Variants in C6orf132 observed in about 807,000 individuals in gnomAD.
The protein encoded by C6orf132 is uncharacterized protein C6orf132.
Under a neutral mutation model 65.3 loss-of-function variants are expected in C6orf132, and 43 were observed. The ratio of observed to expected loss-of-function variants is 0.66; its 90% CI spans 0.52 to 0.85. The LOEUF (loss-of-function observed/expected upper bound fraction) is 0.85. Ranked by LOEUF, C6orf132 falls within the 40% of genes least tolerant of loss-of-function variation. The pLI is 0.00. For missense variants in C6orf132, 1,488 were observed against 1,548.8 expected (o/e 0.96, Z 0.66); for synonymous variants, 631 against 654.1 (o/e 0.96, Z 0.54).
chr6:42,106,208 A>C lies in C6orf132; in HGVS notation c.1704T>G (p.Asn568Lys), dbSNP rs1279234641. 3.9e-6 allele frequency: 6 copies of C among 1,537,186 alleles called. No homozygotes were observed. Among genetic ancestry groups the C allele is most frequent in the Non-Finnish European group, 5.2e-6 (6 of 1,146,880 alleles). ...SPTPSVRQIR[N>K]ELEARLSSAA... ...CTGAGGAGAGCCGGGCCTCCAGCTC[A>C]TTCCGGATCTGCCGCACACTGGGAG... Residue 568 changes from asparagine (N) to lysine (K), a missense_variant, in exon 4 of 5, where the codon AAT becomes AAG. Transcript: ENST00000341865.
chr6:42,128,178 G>A (rs1426912839), intron 2 of C6orf132, among the ~76,000 whole-genome samples: 8 of 151,790 alleles, frequency 5.3e-5, no homozygotes, highest in Non-Finnish European at 1.0e-4. Flanking sequence ...TGCCCCCTTG[G>A]CCTCCCAAAA....
In C6orf132 at chr6:42,110,305, G is replaced by A. The variant is rs1322644444; in HGVS notation, c.253-14C>T. The A allele has an allele frequency of 6.5e-7, 1 of 1,541,326 alleles. No homozygotes were observed. ...TTCCTGGGCATTCTGAAAGAGACCA[G>A]AAAGAAATCAGGGGACAGGGAAAGA... On this transcript the variant is annotated splice_polypyrimidine_tract_variant and intron_variant, in intron 2 of 4. Transcript: ENST00000341865.
Position 42,106,613 on chromosome 6 carries a change from G to T in C6orf132, c.1299C>A (p.Thr433=), listed in dbSNP as rs1012710243. 1 of 1,535,042 alleles carries T rather than the reference G, an allele frequency of 6.5e-7. No homozygotes were observed. Among genetic ancestry groups the T allele is most frequent in the Non-Finnish European group, 8.7e-7 (1 of 1,146,634 alleles). Residue 433 remains threonine, a synonymous_variant, in exon 4 of 5, where the codon ACC becomes ACA. Coordinates refer to ENST00000341865, the MANE Select transcript of C6orf132 (RefSeq NM_001164446.3). ...AAHPPAGFTK[T]PKSSSPALKP... ...TGAGAGCAGGAGAGCTGGATTTAGG[G>T]GTTTTTGTAAACCCAGCAGGTGGAT...
chr6:42,124,843 C>T lies in C6orf132; in HGVS notation c.252+3829G>A, dbSNP rs1429852238. Among the ~76,000 whole-genome samples the T allele has an allele frequency of 6.6e-6, 1 of 152,182 alleles. No homozygotes were observed. Among genetic ancestry groups the T allele is most frequent in the African/African-American group, 2.4e-5 (1 of 41,448 alleles). ...GACAGGAGAGAATTAAGCCGCCAGC[C>T]GGATTCCCCTCCACCCGGGAGCAAG... On this transcript the variant is annotated intron_variant, in intron 2 of 4. Coordinates refer to ENST00000341865, the MANE Select transcript of C6orf132 (RefSeq NM_001164446.3). The surrounding 1 kb of genome is among the most constrained non-coding windows in gnomAD (Gnocchi z 4.0).
chr6:42,106,221 C>T lies in C6orf132; in HGVS notation c.1691G>A (p.Arg564Gln), dbSNP rs763906124. The change falls in exon 4 of 5, where the codon CGG becomes CAG. Residue 564 changes from arginine to glutamine, a missense_variant. Transcript: ENST00000341865. ...IPQDSPTPSVRQIRNELEARL... is the reference protein window; with the variant it reads ...IPQDSPTPSVQQIRNELEARL... ...GGCCTCCAGCTCATTCCGGATCTGCCGCACACTGGGAGTTGGAGAGTCTTG... is the reference window on the plus strand; with the variant it reads ...GGCCTCCAGCTCATTCCGGATCTGCTGCACACTGGGAGTTGGAGAGTCTTG... 5 of 1,537,082 alleles carry T rather than the reference C, an allele frequency of 3.3e-6. No homozygotes were observed. The highest frequency in any genetic ancestry group is 2.4e-5 in the South Asian group (2 of 84,058).
intron 1 of C6orf132, among the ~76,000 whole-genome samples, chr6:42,138,587 G>T (rs1234800656): frequency 2.0e-5 from 3 of 152,138 alleles, no homozygotes; most frequent in African/African-American, 7.2e-5. Context: ...GCCCAGCCCA[G>T]AATCTGCATT....
At chr6:42,114,243 G>A (rs1766533952) in intron 2 of C6orf132, among the ~76,000 whole-genome samples, 1 of 152,122 alleles carries the variant, frequency 6.6e-6, no homozygotes, top group Non-Finnish European at 1.5e-5. Flanking sequence ...CTGACACAAG[G>A]GGATCCCACA....
chr6:42,107,670 T>G (rs1582269935), intron 3 of C6orf132, 87 bp from the exon 4 acceptor site: 1 of 1,488,420 alleles, frequency 6.7e-7, no homozygotes, highest in Non-Finnish European at 9.1e-7. Context: ...GGGGCAGGGG[T>G]GGGCACCCAA....
intron 4 of C6orf132, 66 bp from the exon 5 acceptor site, chr6:42,103,944 C>A: frequency 9.1e-7 from 1 of 1,093,984 alleles, no homozygotes. Context: ...CTCTCATCTC[C>A]CCGAGGGACC....
chr6:42,104,620 C>T lies in C6orf132; in HGVS notation c.3292G>A (p.Gly1098Ser), dbSNP rs1451374225. ...SPNCFGPQPGGPEMRRVNSAG... is the reference protein window; with the variant it reads ...SPNCFGPQPGSPEMRRVNSAG... ...GAGTTCACGCGCCGCATCTCGGGGC[C>T]TCCGGGCTGCGGCCCGAAGCAGTTG... Residue 1098 changes from glycine (G) to serine (S), a missense_variant, in exon 4 of 5, where the codon GGC (glycine) becomes AGC (serine). By Grantham distance (56) the Gly-to-Ser change is moderately conservative. Coordinates refer to ENST00000341865, the MANE Select transcript of C6orf132 (RefSeq NM_001164446.3). The surrounding 1 kb of genome is among the most constrained non-coding windows in gnomAD (Gnocchi z 4.1). The T allele has an allele frequency of 1.8e-5, 25 of 1,379,902 alleles. No homozygotes were observed. Among genetic ancestry groups the T allele is most frequent in the Admixed American group, 7.0e-5 (2 of 28,370 alleles). 85.5% of individuals were successfully genotyped at this position (1,379,902 alleles called of 1,614,324 possible).
At chr6:42,133,328 G>A (rs1039677305) in intron 1 of C6orf132, among the ~76,000 whole-genome samples, 2 of 152,248 alleles carry the variant, frequency 1.3e-5, no homozygotes, top group South Asian at 2.1e-4. Context: ...GCACAGCCCC[G>A]TGTCTCATCC....
chr6:42,112,143 A>G (rs1342672715), intron 2 of C6orf132, among the ~76,000 whole-genome samples: 1 of 152,178 alleles, frequency 6.6e-6, no homozygotes, highest in East Asian at 1.9e-4. Flanking sequence ...TACTCCTTGC[A>G]CTGTGCTCTA....
At position 42,104,893 on chromosome 6, in the gene C6orf132, C is replaced by G. The variant is rs760002910; in HGVS notation, c.3019G>C (p.Gly1007Arg). 1 of 1,451,052 alleles carries G rather than the reference C, an allele frequency of 6.9e-7. No homozygotes were observed. Among genetic ancestry groups the G allele is most frequent in the South Asian group, 1.4e-5 (1 of 70,576 alleles). The allele number at this position is 1,451,052 out of a possible 1,614,324, so 89.9% of individuals were successfully genotyped here. The change falls in exon 4 of 5, where the codon GGC (glycine) becomes CGC (arginine). Residue 1007 changes from glycine to arginine, a missense_variant. Gly to Arg is a moderately radical substitution (Grantham distance 125). Coordinates refer to ENST00000341865, the MANE Select transcript of C6orf132 (RefSeq NM_001164446.3). This position sits in a 1 kb window ranked among gnomAD's most constrained non-coding sequence, Gnocchi z 4.1. Reference sequence around the variant, plus strand: ...TTCCGGGGAGGGGAGCTCTGGCGGCCCAGATACTGGAGGGCCGGGGCCGGG... The same window carrying G: ...TTCCGGGGAGGGGAGCTCTGGCGGCGCAGATACTGGAGGGCCGGGGCCGGG... ...EPPAPALQYL[G>R]RQSSPPRNNY...
Position 42,106,717 on chromosome 6 carries a change from GAGGGGGCAGGGGA to G in C6orf132, c.1182_1194del (p.Pro395LeufsTer118). The G allele has an allele frequency of 7.5e-7, 1 of 1,337,276 alleles. No homozygotes were observed. Among genetic ancestry groups the G allele is most frequent in the Non-Finnish European group, 1.0e-6 (1 of 981,770 alleles). 82.8% of individuals were successfully genotyped at this position (1,337,276 alleles called of 1,614,324 possible). A position where few individuals can be genotyped will look rare whatever the true frequency, so the allele number is the denominator to read the frequency against. ...GCTGGGGGAGGGAGGGGGGGTGCAG[GAGGGGGCAGGGGA>G]GGGGCTGGAGGCGGAGTCCCAGCTC... On this transcript the variant is annotated frameshift_variant, in exon 4 of 5. Transcript: ENST00000341865. LOFTEE classifies it high-confidence loss of function.
chr6:42,137,092 G>A lies in C6orf132; in HGVS notation c.145+5208C>T, dbSNP rs368562803. Among the ~76,000 whole-genome samples, 14 of 152,296 alleles carry A rather than the reference G, an allele frequency of 9.2e-5. No individual in the cohort carries two copies. In the East Asian group the frequency reaches 1.7e-3, roughly 19 times the overall value. ...TGCACTTTGATGTTTGAGCTACCCC[G>A]GACTGGAATGGCTGAGTCATTTCAC... On this transcript the variant is annotated intron_variant, in intron 1 of 4. Coordinates refer to ENST00000341865, the MANE Select transcript of C6orf132 (RefSeq NM_001164446.3).
chr6:42,107,293 A>G lies in C6orf132; in HGVS notation c.619T>C (p.Ser207Pro). ...ATGAAGTCAGGAGGGGTGGGTATGG[A>G]TGGGGAGGAAAGAGTGTGTGGTGGG... The part of the protein sequence containing the change: ...LSPPHTLSSP[S>P]IPTPPDFIPP... The change falls in exon 4 of 5, where the codon TCC becomes CCC. Residue 207 changes from serine to proline, a missense_variant. By Grantham distance (74) the Ser-to-Pro change is moderately conservative. Transcript: ENST00000341865. The G allele has an allele frequency of 1.0e-6, 1 of 983,522 alleles. No individual in the cohort carries two copies. The highest frequency in any genetic ancestry group is 1.3e-6 in the Non-Finnish European group (1 of 779,928). 60.9% of individuals were successfully genotyped at this position (983,522 alleles called of 1,614,324 possible). A position where few individuals can be genotyped will look rare whatever the true frequency, so the allele number is the denominator to read the frequency against.
At chr6:42,122,608 C>T (rs1766705171) in intron 2 of C6orf132, among the ~76,000 whole-genome samples, 1 of 152,206 alleles carries the variant, frequency 6.6e-6, no homozygotes, top group Admixed American at 6.5e-5. Context: ...TTTGGCCTAA[C>T]ATCATCCACA....
chr6:42,140,286 C>G (rs1443461256), intron 1 of C6orf132, among the ~76,000 whole-genome samples: 1 of 152,256 alleles, frequency 6.6e-6, no homozygotes, highest in Non-Finnish European at 1.5e-5. Context: ...CTTCCCTCAC[C>G]AGAGGTGCTG....
chr6:42,114,119 T>A (rs1479616286), intron 2 of C6orf132, among the ~76,000 whole-genome samples: 2 of 152,164 alleles, frequency 1.3e-5, no homozygotes, highest in African/African-American at 4.8e-5. Flanking sequence ...TGCCCTTTGA[T>A]CTTAAAGCAC....
Sources: allele counts gnomAD v4.1 joint callset (sites outside exome capture counted in the v4.1 genomes callset), GRCh38; gene constraint gnomAD v4.1.1; non-coding constraint Gnocchi (gnomAD v3.1); transcripts MANE v1.5; gene names NCBI Gene and HGNC (gene_info 2026-07-23, HGNC 2026-07-21).